The following NBEA variants were observed in gnomAD, a reference collection of about 807,000 sequenced individuals.
The protein encoded by NBEA is lysosomal-trafficking regulator 2.
NBEA carries 44 observed loss-of-function variants against 343.4 expected under a neutral mutation model. That is an observed-to-expected ratio of 0.13 (90% confidence interval 0.10 to 0.16). The LOEUF is 0.16. Ranked by LOEUF, NBEA falls within the 10% of genes least tolerant of loss-of-function variation. NBEA has a pLI of 1.00. For synonymous variants in NBEA, 1,175 were observed against 1,238.7 expected, an observed-to-expected ratio of 0.95 and a Z score of 1.08; for missense variants, 2,555 against 3,631.3, an observed-to-expected ratio of 0.70 and a Z score of 7.62.
chr13:35,371,795 G>A (rs1352700984), intron 38 of NBEA, among the ~76,000 whole-genome samples: 1 of 152,154 alleles, frequency 6.6e-6, no homozygotes, highest in Non-Finnish European at 1.5e-5. Context: ...TATGTCTGTG[G>A]TGTTTGTTGG....
rs561484064 is a variant in NBEA, at chr13:35,664,753, A to G, written c.8363-332A>G. On this transcript the variant is annotated intron_variant, in intron 55 of 58. Coordinates refer to ENST00000379939, the MANE Select transcript of NBEA (RefSeq NM_001385012.1). ...CATAGAGCATGACCATAAATACATG[A>G]TGTAACACAGATAAATGCCTTAGCA... 1.2e-4 allele frequency among the ~76,000 whole-genome samples: 18 copies of G among 152,374 alleles called. 1 individual carries two copies. The South Asian group carries it at 3.7e-3, about 32-fold the overall frequency.
At chr13:35,123,711 T>C (rs569657126) in intron 17 of NBEA, 137 bp downstream of exon 17, 6 of 412,718 alleles carry the variant, frequency 1.5e-5, no homozygotes, top group African/African-American at 8.3e-5. Context: ...GTGGTAGAAA[T>C]TGTAAAAATG....
chr13:35,325,208 C>G (rs1208001231), intron 36 of NBEA, among the ~76,000 whole-genome samples: 1 of 151,900 alleles, frequency 6.6e-6, no homozygotes, highest in Non-Finnish European at 1.5e-5. Context: ...ATACCAAAGT[C>G]TAGATTTCCG....
At chr13:35,235,960 C>A (rs915721346) in intron 34 of NBEA, among the ~76,000 whole-genome samples, 18 of 152,142 alleles carry the variant, frequency 1.2e-4, no homozygotes, top group African/African-American at 4.1e-4. Context: ...GTTCCCCTGG[C>A]AGTATACAAT....
At chr13:35,353,977 G>A (rs1187930236) in intron 38 of NBEA, among the ~76,000 whole-genome samples, 1 of 152,160 alleles carries the variant, frequency 6.6e-6, no homozygotes, top group Non-Finnish European at 1.5e-5. Context: ...TTACAGTCTT[G>A]AGGCAGAATT....
At position 35,649,744 on chromosome 13, in the gene NBEA, A is replaced by G; in HGVS notation, c.7860A>G (p.Val2620=). The change falls in exon 52 of 59, where the codon GTA becomes GTG. Residue 2620 remains valine (V), a synonymous_variant. Coordinates refer to ENST00000379939, the MANE Select transcript of NBEA (RefSeq NM_001385012.1). ...TGAAGTTTCCTTCAAATTCTCCAGT[A>G]ACCCATGTGGCAGCCAACACTCTGC... The part of the protein sequence containing the change: ...MVLKFPSNSP[V]THVAANTLPH... 12 of 1,613,686 alleles carry G rather than the reference A, an allele frequency of 7.4e-6. No individual in the cohort carries two copies. The highest frequency in any genetic ancestry group is 1.0e-5 in the Non-Finnish European group (12 of 1,179,560).
At chr13:35,033,854 G>A (rs1320038697) in intron 1 of NBEA, among the ~76,000 whole-genome samples, 2 of 151,624 alleles carry the variant, frequency 1.3e-5, no homozygotes, top group Non-Finnish European at 3.0e-5. Flanking sequence ...TGTTGATTTT[G>A]TATCCTGTAA....
chr13:35,130,174 T>C (rs1465485190), intron 17 of NBEA, among the ~76,000 whole-genome samples: 1 of 152,090 alleles, frequency 6.6e-6, no homozygotes, highest in South Asian at 2.1e-4. Context: ...TAGGGACATA[T>C]GGGACTCCCT....
intron 38 of NBEA, among the ~76,000 whole-genome samples, chr13:35,393,467 T>A (rs1172722336): frequency 1.3e-5 from 2 of 152,146 alleles, no homozygotes; most frequent in Non-Finnish European, 2.9e-5. Context: ...GCTTTTTTCT[T>A]TAAAGTGTTT....
At chr13:35,557,524 A>T (rs2079631741) in intron 44 of NBEA, among the ~76,000 whole-genome samples, 1 of 152,140 alleles carries the variant, frequency 6.6e-6, no homozygotes, top group Non-Finnish European at 1.5e-5. Flanking sequence ...GCATCTTGCT[A>T]TTATTGTTTG....
chr13:35,527,586 C>T lies in NBEA; in HGVS notation c.6586-22891C>T, dbSNP rs575929832. The stretch of plus-strand genomic sequence containing the variant: ...CGGAGGGCTGGCATGTCATTGCCAC[C>T]CCAAGTACACACACACACCCGGCTG... On this transcript the variant is annotated intron_variant, in intron 41 of 58. Coordinates refer to ENST00000379939, the MANE Select transcript of NBEA (RefSeq NM_001385012.1). Among the ~76,000 whole-genome samples, 3 of 152,332 alleles carry T rather than the reference C, an allele frequency of 2.0e-5. No individual in the cohort carries two copies. In the East Asian group the frequency reaches 5.8e-4, roughly 29 times the overall value.
At chr13:35,427,902 C>T (rs1017534044) in intron 38 of NBEA, among the ~76,000 whole-genome samples, 10 of 152,172 alleles carry the variant, frequency 6.6e-5, no homozygotes, top group Non-Finnish European at 1.3e-4. Context: ...TAGCAATGAG[C>T]GAGACTCTAT....
At chr13:35,446,323 T>A (rs1232152381) in intron 39 of NBEA, among the ~76,000 whole-genome samples, 1 of 152,162 alleles carries the variant, frequency 6.6e-6, no homozygotes, top group Non-Finnish European at 1.5e-5. Context: ...ATCCTTTGGG[T>A]ATATACCCAG....
chr13:35,035,341 G>A (rs2062398911), intron 1 of NBEA, among the ~76,000 whole-genome samples: 1 of 151,388 alleles, frequency 6.6e-6, no homozygotes, highest in South Asian at 2.1e-4. Context: ...TTCTCTTGAT[G>A]TTTCTAGTTT....
chr13:35,407,624 C>G (rs957405714), intron 38 of NBEA, among the ~76,000 whole-genome samples: 11 of 151,954 alleles, frequency 7.2e-5, no homozygotes, highest in Non-Finnish European at 2.9e-5. Context: ...AGACATGTGT[C>G]TGTCCACTTT....
intron 39 of NBEA, among the ~76,000 whole-genome samples, chr13:35,446,278 C>G (rs1212628778): frequency 6.6e-6 from 1 of 152,016 alleles, no homozygotes; most frequent in Non-Finnish European, 1.5e-5. Flanking sequence ...AATAAACATA[C>G]GTGTGCATGT....
chr13:35,100,819 T>C (rs1263003035), intron 11 of NBEA, among the ~76,000 whole-genome samples: 2 of 151,982 alleles, frequency 1.3e-5, no homozygotes, highest in African/African-American at 2.4e-5. Context: ...TAATCTTTTA[T>C]CTTCTTTGTT....
At chr13:35,486,612 C>T (rs1181812113) in intron 41 of NBEA, among the ~76,000 whole-genome samples, 2 of 152,004 alleles carry the variant, frequency 1.3e-5, no homozygotes, top group African/African-American at 4.8e-5. Flanking sequence ...AGAGCCAGGT[C>T]TGTCTGACTG....
At chr13:35,103,054 G>T (rs2152646510) in intron 11 of NBEA, among the ~76,000 whole-genome samples, 1 of 151,702 alleles carries the variant, frequency 6.6e-6, no homozygotes, top group South Asian at 2.1e-4. Flanking sequence ...TCTATTTCTG[G>T]TTTCCTAAGA....
Sources: allele counts gnomAD v4.1 joint callset (sites outside exome capture counted in the v4.1 genomes callset), GRCh38; gene constraint gnomAD v4.1.1; transcripts MANE v1.5; gene names NCBI Gene and HGNC (gene_info 2026-07-23, HGNC 2026-07-21).